Variants in MALRD1 observed in about 807,000 individuals in gnomAD.
MALRD1 encodes MAM and LDL receptor class A domain containing 1, also known as MAM and LDL-receptor class A domain-containing protein 1.
MALRD1 carries 247 observed loss-of-function variants against 242.1 expected under a neutral mutation model. That is an observed-to-expected ratio of 1.02 (90% CI 0.92 to 1.13). The LOEUF (loss-of-function observed/expected upper bound fraction) is 1.13, where lower values mean the gene tolerates loss of function less well. Ranked by LOEUF, MALRD1 falls within the 50% of genes most tolerant of loss-of-function variation. The pLI is 0.00. For synonymous variants in MALRD1, 995 were observed against 866.6 expected (o/e 1.15, Z -2.60); for missense variants, 2,989 against 2,533.1 (o/e 1.18, Z -3.86).
intron 18 of MALRD1, among the ~76,000 whole-genome samples, chr10:19,217,934 G>A (rs1343276161): frequency 6.6e-6 from 1 of 152,142 alleles, no homozygotes; most frequent in Non-Finnish European, 1.5e-5. Flanking sequence ...TCCAGAAGCT[G>A]CATGCTAAAT....
In MALRD1 at chr10:19,205,026, A is replaced by G. The variant is rs1436573670; in HGVS notation, c.2339A>G (p.Gln780Arg). The G allele has an allele frequency of 6.4e-7, 1 of 1,550,768 alleles. No homozygotes were observed. The highest frequency in any genetic ancestry group is 8.7e-7 in the Non-Finnish European group (1 of 1,147,042). ...QGKQWLEATI[Q>R]LGRLSQPFHL... is the part of the protein sequence containing the mutation. Reference sequence around the variant, plus strand: ...AAACAATGGTTGGAGGCAACCATTCAGCTAGGGCGCCTTTCGCAGCCCTTC... The same window carrying G: ...AAACAATGGTTGGAGGCAACCATTCGGCTAGGGCGCCTTTCGCAGCCCTTC... Residue 780 changes from glutamine to arginine, a missense_variant, in exon 17 of 40, where the codon CAG becomes CGG. Physicochemically the swap from Gln to Arg is conservative, Grantham distance 43. Transcript: ENST00000454679.
intron 21 of MALRD1, among the ~76,000 whole-genome samples, chr10:19,315,641 T>G (rs1457246474): frequency 7.8e-6 from 1 of 128,184 alleles, no homozygotes; most frequent in Non-Finnish European, 1.6e-5. Flanking sequence ...ATTATTTATA[T>G]AAATATATAA....
intron 38 of MALRD1, among the ~76,000 whole-genome samples, chr10:19,696,886 A>C (rs952951978): frequency 6.6e-6 from 1 of 152,200 alleles, no homozygotes; most frequent in African/African-American, 2.4e-5. Context: ...ACCACACTCC[A>C]ACCTGGGTGA....
At chr10:19,536,124 C>T (rs910779153) in intron 32 of MALRD1, among the ~76,000 whole-genome samples, 1 of 152,080 alleles carries the variant, frequency 6.6e-6, no homozygotes, top group Non-Finnish European at 1.5e-5. Flanking sequence ...GAGAACTACA[C>T]TTCCCTAGCT....
intron 38 of MALRD1, among the ~76,000 whole-genome samples, chr10:19,720,331 C>G (rs1418364195): frequency 6.6e-6 from 1 of 152,142 alleles, no homozygotes; most frequent in African/African-American, 2.4e-5. Context: ...GTTGAAACAA[C>G]CTAGTGTAAC....
chr10:19,214,836 A>G (rs938953293), intron 18 of MALRD1, among the ~76,000 whole-genome samples: 2 of 152,188 alleles, frequency 1.3e-5, no homozygotes, highest in East Asian at 3.9e-4. Flanking sequence ...GACTTTCACA[A>G]AATTGCCTTT....
intron 7 of MALRD1, 43 bp from the exon 8 acceptor site, chr10:19,128,178 C>G (rs35847051): frequency 4.3e-4 from 516 of 1,204,338 alleles, no homozygotes; most frequent in Non-Finnish European, 5.1e-4. Context: ...CAGAAAGAAG[C>G]TAATGTTTTC....
At chr10:19,201,351 A>T (rs137955587) in intron 14 of MALRD1, among the ~76,000 whole-genome samples, 1 of 152,196 alleles carries the variant, frequency 6.6e-6, no homozygotes, top group Non-Finnish European at 1.5e-5. Context: ...TTATCTTTGA[A>T]GAGTCTTATC....
At position 19,454,431 on chromosome 10, in the gene MALRD1, T is replaced by TATATATATATATATATATATATATATAA. The variant is rs1011890675; in HGVS notation, c.5029+3942_5029+3943insTATATATATATATATATATATATATAAA. Among the ~76,000 whole-genome samples the TATATATATATATATATATATATATATAA allele has an allele frequency of 2.3e-4, 31 of 136,666 alleles. 1 individual carries two copies. The highest frequency in any genetic ancestry group is 2.7e-4 in the Non-Finnish European group (17 of 63,542). The allele number at this position is 136,666 out of a possible 152,430, so 89.7% of individuals were successfully genotyped here. ...ATATATATATATATATATATATATA[T>TATATATATATATATATATATATATATAA]AATTATATGATACATACATATAAAT... On this transcript the variant is annotated intron_variant, in intron 29 of 39. Transcript: ENST00000454679.
intron 18 of MALRD1, among the ~76,000 whole-genome samples, chr10:19,228,378 T>C (rs1459313193): frequency 1.3e-5 from 2 of 152,190 alleles, no homozygotes; most frequent in African/African-American, 4.8e-5. Context: ...TGGTTGCCTG[T>C]GTTCAGGAAT....
chr10:19,467,064 A>G (rs1394792324), intron 29 of MALRD1, among the ~76,000 whole-genome samples: 1 of 152,054 alleles, frequency 6.6e-6, no homozygotes, highest in African/African-American at 2.4e-5. Context: ...CAATTTAAGG[A>G]CCTTTCTTGG....
intron 18 of MALRD1, among the ~76,000 whole-genome samples, chr10:19,232,239 TC>T (rs1838112513): frequency 6.6e-6 from 1 of 152,132 alleles, no homozygotes; most frequent in Non-Finnish European, 1.5e-5. Context: ...AGATCTCTGC[TC>T]ACTGCAACCT....
intron 26 of MALRD1, among the ~76,000 whole-genome samples, chr10:19,366,918 CTTTAAG>C (rs1411253548): frequency 6.6e-6 from 1 of 152,104 alleles, no homozygotes; most frequent in African/African-American, 2.4e-5. Flanking sequence ...TTGTCAGTGT[CTTTAAG>C]TTTAGCAATT....
rs145790821 is a variant in MALRD1, at chr10:19,640,199, C to T, written c.6137+24276C>T. Among the ~76,000 whole-genome samples, 1,402 of 152,264 alleles carry T rather than the reference C, an allele frequency of 9.2e-3. 19 individuals are homozygous for T. Among genetic ancestry groups the T allele is most frequent in the African/African-American group, 0.032 (1,315 of 41,536 alleles). On this transcript the variant is annotated intron_variant, in intron 36 of 39. Coordinates refer to ENST00000454679, the MANE Select transcript of MALRD1 (RefSeq NM_001142308.3). Reference sequence around the variant, plus strand: ...CCACCTCCCAGGTTCAAGCTATTCTCCTGCCTCAGCCTCCCAAGTAGCAGG... The same window carrying T: ...CCACCTCCCAGGTTCAAGCTATTCTTCTGCCTCAGCCTCCCAAGTAGCAGG...
At chr10:19,586,638 A>G (rs915991822) in intron 33 of MALRD1, among the ~76,000 whole-genome samples, 7 of 152,176 alleles carry the variant, frequency 4.6e-5, no homozygotes, top group African/African-American at 1.7e-4. Context: ...AAGCTGTCAG[A>G]CAGGGACATT....
chr10:19,199,946 G>A (rs1218588184), intron 14 of MALRD1, among the ~76,000 whole-genome samples: 1 of 152,028 alleles, frequency 6.6e-6, no homozygotes, highest in Admixed American at 6.6e-5. Context: ...GGCAACATGA[G>A]GAGACCCCAT....
At chr10:19,122,815 T>C (rs1837111461) in intron 5 of MALRD1, among the ~76,000 whole-genome samples, 4 of 152,092 alleles carry the variant, frequency 2.6e-5, no homozygotes, top group Admixed American at 2.6e-4. Context: ...AACCTCCACC[T>C]CCTGAGTTCA....
chr10:19,692,973 C>T (rs1252989746), intron 38 of MALRD1, among the ~76,000 whole-genome samples: 1 of 149,986 alleles, frequency 6.7e-6, no homozygotes, highest in African/African-American at 2.5e-5. Context: ...AAGACAAAAA[C>T]CACATGATTA....
chr10:19,346,472 T>C (rs903921671), intron 24 of MALRD1, among the ~76,000 whole-genome samples: 4 of 152,160 alleles, frequency 2.6e-5, no homozygotes, highest in Admixed American at 1.3e-4. Flanking sequence ...TGAAGACATA[T>C]CAACATGCTA....
Sources: allele counts gnomAD v4.1 joint callset (sites outside exome capture counted in the v4.1 genomes callset), GRCh38; gene constraint gnomAD v4.1.1; transcripts MANE v1.5; gene names NCBI Gene and HGNC (gene_info 2026-07-23, HGNC 2026-07-21).